The following RNF111 variants were observed in gnomAD, a reference collection of about 807,000 sequenced individuals.
The protein encoded by RNF111 is ring finger protein 111.
A neutral mutation model predicts 95.1 loss-of-function variants in RNF111; 17 were observed. That is an observed-to-expected ratio of 0.18 (90% CI 0.12 to 0.27). RNF111 has a LOEUF of 0.27. Ranked by LOEUF, RNF111 falls within the 10% of genes least tolerant of loss-of-function variation. The pLI is 1.00. For synonymous variants in RNF111, 440 were observed against 414.8 expected (o/e 1.06, Z -0.74); for missense variants, 1,189 against 1,210.4 (o/e 0.98, Z 0.26).
chr15:59,017,844 A>G (rs1216490304), intron 1 of RNF111, among the ~76,000 whole-genome samples: 2 of 139,966 alleles, frequency 1.4e-5, no homozygotes, highest in East Asian at 4.1e-4. Context: ...TGCAACCTCC[A>G]CTTCCTGGGT....
rs764084232 is a variant in RNF111, at chr15:59,031,430, A to G, written c.608A>G (p.His203Arg). 12 of 1,614,164 alleles carry G rather than the reference A, an allele frequency of 7.4e-6. No individual in the cohort carries two copies. The South Asian group carries it at 9.9e-5, about 13-fold the overall frequency. The change falls in exon 2 of 14, where the codon CAT becomes CGT. Residue 203 changes from histidine (H) to arginine (R), a missense_variant. Around this residue, in one of 2 missense-constraint regions of RNF111, gnomAD observed 1,024 missense variants for 925.9 expected, o/e 1.11. Transcript: ENST00000348370. ...TTGTTAATGAAAAGACCCTGTTTAC[A>G]TGGCAGTTCGTTACGGAGACTTCCA... ...SGLLMKRPCL[H>R]GSSLRRLPCR... is the part of the protein sequence containing the mutation.
intron 1 of RNF111, among the ~76,000 whole-genome samples, chr15:58,990,824 C>G (rs1179156176): frequency 6.6e-6 from 1 of 152,072 alleles, no homozygotes; most frequent in Non-Finnish European, 1.5e-5. Flanking sequence ...ATTTGTTTTT[C>G]TTTCAGAAAC....
intron 1 of RNF111, among the ~76,000 whole-genome samples, chr15:58,999,551 G>C (rs2039234306): frequency 6.6e-6 from 1 of 152,112 alleles, no homozygotes; most frequent in Non-Finnish European, 1.5e-5. Context: ...TCCCAGGCTG[G>C]TCTCGAACTC....
At chr15:59,000,904 C>T (rs1432808917) in intron 1 of RNF111, among the ~76,000 whole-genome samples, 3 of 152,042 alleles carry the variant, frequency 2.0e-5, no homozygotes, top group Admixed American at 6.6e-5. Context: ...GTGATCAAAA[C>T]GAAATCTGCT....
chr15:58,991,678 C>T (rs1030502212), intron 1 of RNF111, among the ~76,000 whole-genome samples: 2 of 152,040 alleles, frequency 1.3e-5, no homozygotes, highest in East Asian at 1.9e-4. Context: ...ATAGCAGGGG[C>T]GGCAAATGCA....
At chr15:59,075,407 G>C (rs1671437705) in intron 6 of RNF111, among the ~76,000 whole-genome samples, 1 of 152,160 alleles carries the variant, frequency 6.6e-6, no homozygotes, top group Admixed American at 6.5e-5. Context: ...TCATGATTTA[G>C]TCTGAAAAAT....
At chr15:59,061,334 A>G (rs1216104548) in intron 5 of RNF111, among the ~76,000 whole-genome samples, 1 of 152,038 alleles carries the variant, frequency 6.6e-6, no homozygotes, top group African/African-American at 2.4e-5. Context: ...ACCTTTTTGA[A>G]TATTTCCAAC....
At chr15:59,082,422 A>G (rs2078772017) in intron 8 of RNF111, among the ~76,000 whole-genome samples, 1 of 152,248 alleles carries the variant, frequency 6.6e-6, no homozygotes, top group Admixed American at 6.5e-5. Flanking sequence ...ACGAGAGGGA[A>G]GGAAAGTATT....
At chr15:59,016,073 G>A (rs2040050982) in intron 1 of RNF111, among the ~76,000 whole-genome samples, 1 of 151,766 alleles carries the variant, frequency 6.6e-6, no homozygotes, top group South Asian at 2.1e-4. Context: ...CCTAGCTCAA[G>A]CAGTCTGCCC....
intron 1 of RNF111, among the ~76,000 whole-genome samples, chr15:58,991,120 C>G: frequency 6.6e-6 from 1 of 151,762 alleles, no homozygotes. Flanking sequence ...GGTGAAACCC[C>G]GTCTGTACTA....
At chr15:59,081,307 G>T in intron 8 of RNF111, 23 bp downstream of exon 8, 1 of 1,598,396 alleles carries the variant, frequency 6.3e-7, no homozygotes, top group South Asian at 1.1e-5. Flanking sequence ...TTTTTAAAAA[G>T]AAAGTCAAGT....
chr15:59,084,527 C>T (rs188257457), intron 9 of RNF111, among the ~76,000 whole-genome samples: 45 of 152,184 alleles, frequency 3.0e-4, no homozygotes, highest in African/African-American at 9.9e-4. Context: ...GGAGGTACAG[C>T]ATAGTATTTC....
chr15:59,000,770 A>T (rs2039293396), intron 1 of RNF111, among the ~76,000 whole-genome samples: 1 of 152,024 alleles, frequency 6.6e-6, no homozygotes, highest in African/African-American at 2.4e-5. Context: ...ATGGTAGATG[A>T]GCCCACTATT....
At chr15:59,057,805 C>G (rs1170429485) in intron 4 of RNF111, among the ~76,000 whole-genome samples, 1 of 152,232 alleles carries the variant, frequency 6.6e-6, no homozygotes, top group Non-Finnish European at 1.5e-5. Context: ...TATGTGATCT[C>G]AGTTCATCCT....
chr15:59,021,074 A>T (rs2040315490), intron 1 of RNF111, among the ~76,000 whole-genome samples: 1 of 151,768 alleles, frequency 6.6e-6, no homozygotes, highest in Admixed American at 6.6e-5. Context: ...CTCACTTTCC[A>T]CCCTTTCCCC....
intron 2 of RNF111, among the ~76,000 whole-genome samples, chr15:59,042,189 C>T (rs1349411867): frequency 2.0e-5 from 3 of 151,854 alleles, no homozygotes; most frequent in Non-Finnish European, 2.9e-5. Flanking sequence ...CAGCATATTG[C>T]TGCCTCGGCT....
At chr15:59,071,604 A>C (rs1201506535) in intron 6 of RNF111, among the ~76,000 whole-genome samples, 1 of 151,016 alleles carries the variant, frequency 6.6e-6, no homozygotes, top group Non-Finnish European at 1.5e-5. Flanking sequence ...CTGAGGCAGG[A>C]GAATCGCTTG....
At chr15:59,011,505 C>T (rs890130917) in intron 1 of RNF111, among the ~76,000 whole-genome samples, 6 of 152,182 alleles carry the variant, frequency 3.9e-5, no homozygotes, top group Admixed American at 3.3e-4. Context: ...GTGGCTTAAA[C>T]CACAAAACTT....
intron 6 of RNF111, among the ~76,000 whole-genome samples, chr15:59,075,198 A>C (rs1471662834): frequency 6.6e-6 from 1 of 152,262 alleles, no homozygotes; most frequent in Non-Finnish European, 1.5e-5. Flanking sequence ...TTGGAAAAAT[A>C]ACTCTGATAG....
Sources: gnomAD v4.1 joint callset for allele counts (sites outside exome capture counted in the v4.1 genomes callset) on GRCh38, gnomAD v4.1.1 for gene constraint, gnomAD v4.1.1 regional missense constraint, MANE v1.5 for transcripts, NCBI Gene and HGNC (gene_info 2026-07-23, HGNC 2026-07-21) for gene names.